Variants in GCH1 observed in about 807,000 individuals in gnomAD.
GCH1 encodes the protein GTP cyclohydrolase 1, also known as GTP cyclohydrolase I.
GCH1 carries 5 observed loss-of-function variants against 25.9 expected under a neutral mutation model. The observed-to-expected ratio is 0.19, with a 90% confidence interval of 0.10 to 0.41. The LOEUF is 0.41. GCH1 is among the 10% of genes least tolerant of loss of function. The pLI is 1.00. For missense variants in GCH1, 261 were observed against 336.5 expected (o/e 0.78, Z 1.75); for synonymous variants, 159 against 129.6 (o/e 1.23, Z -1.54).
Position 54,866,310 on chromosome 14 carries a change from T to C in GCH1, c.344-874A>G, listed in dbSNP as rs187021664. 1.6e-3 allele frequency among the ~76,000 whole-genome samples: 239 copies of C among 152,070 alleles called. 2 individuals carry two copies. The highest frequency in any genetic ancestry group is 5.5e-3 in the African/African-American group (227 of 41,466). ...AAGCCACATTCCCCACCAATCATAATATAGCCAAGCTATTGATAATAGGCA... is the reference window on the plus strand; with the variant it reads ...AAGCCACATTCCCCACCAATCATAACATAGCCAAGCTATTGATAATAGGCA... On this transcript the variant is annotated intron_variant, in intron 1 of 5. Coordinates refer to ENST00000491895, the MANE Select transcript of GCH1 (RefSeq NM_000161.3).
chr14:54,897,347 G>A (rs2040503047), intron 1 of GCH1, among the ~76,000 whole-genome samples: 1 of 149,068 alleles, frequency 6.7e-6, no homozygotes, highest in Non-Finnish European at 1.5e-5. Flanking sequence ...GGAGTGCAAT[G>A]GTGCAATCTT....
intron 1 of GCH1, among the ~76,000 whole-genome samples, chr14:54,872,033 G>A (rs2040086948): frequency 6.6e-6 from 1 of 151,882 alleles, no homozygotes; most frequent in East Asian, 1.9e-4. Context: ...GCAACTCCAA[G>A]ACACATAATT....
intron 1 of GCH1, among the ~76,000 whole-genome samples, chr14:54,901,586 G>C (rs2040566789): frequency 6.6e-6 from 1 of 152,158 alleles, no homozygotes; most frequent in Admixed American, 6.5e-5. Flanking sequence ...TGGAACCCAC[G>C]GAGCCCTCCG....
rs1404198001 is a variant in GCH1 at position 54,902,477 on chromosome 14, C to T, written c.187G>A (p.Asp63Asn). The change falls in exon 1 of 6, where the codon GAT becomes AAT. Residue 63 changes from aspartate (D) to asparagine (N), a missense_variant. Physicochemically the swap from Asp to Asn is conservative, Grantham distance 23. Around this residue, in one of 3 missense-constraint regions of GCH1, gnomAD observed 125 missense variants for 128.7 expected, o/e 0.97. Transcript: ENST00000491895. The part of the protein sequence containing the change: ...WKGERPRSEE[D>N]NELNLPNLAA... ...AGGTTAGGGAGGTTCAGCTCGTTAT[C>T]CTCCTCGCTGCGGGGCCGCTCGCCC... 1 of 1,611,724 alleles carries T rather than the reference C, an allele frequency of 6.2e-7. No individual in the cohort carries two copies. The highest frequency in any genetic ancestry group is 8.5e-7 in the Non-Finnish European group (1 of 1,179,480).
chr14:54,896,728 C>T (rs375002906), intron 1 of GCH1, among the ~76,000 whole-genome samples: 28 of 151,062 alleles, frequency 1.9e-4, no homozygotes, highest in East Asian at 1.6e-3. Context: ...CTGGCTAACA[C>T]GGTGAAACCC....
intron 1 of GCH1, among the ~76,000 whole-genome samples, chr14:54,869,637 C>A (rs891563959): frequency 2.0e-5 from 3 of 152,142 alleles, no homozygotes; most frequent in Non-Finnish European, 4.4e-5. Context: ...CATACCACCA[C>A]GCCCAGCTAA....
In GCH1 at chr14:54,868,787, A is replaced by G. The variant is rs549326046; in HGVS notation, c.344-3351T>C. Among the ~76,000 whole-genome samples, 6 of 151,828 alleles carry G rather than the reference A, an allele frequency of 4.0e-5. No individual in the cohort carries two copies. In the South Asian group the frequency reaches 1.2e-3, roughly 32 times the overall value. On this transcript the variant is annotated intron_variant, in intron 1 of 5. Transcript: ENST00000491895. ...AGCTAATTTTTTGTATTTTTAGTAG[A>G]GATGGGGTTTCACCATGCCAGCCAG...
At position 54,843,776 on chromosome 14, in the gene GCH1, A is replaced by T; in HGVS notation, c.*241T>A. On this transcript the variant is annotated 3_prime_UTR_variant, in exon 6 of 6. Transcript: ENST00000491895. ...TATCTGGCAGTGGTTTTGTGCACGTACTTACACTATTAGCAGTTCACTTTA... is the reference window on the plus strand; with the variant it reads ...TATCTGGCAGTGGTTTTGTGCACGTTCTTACACTATTAGCAGTTCACTTTA... 6.2e-7 allele frequency: 1 copy of T among 1,614,096 alleles called. No individual in the cohort carries two copies. Among genetic ancestry groups the T allele is most frequent in the Non-Finnish European group, 8.5e-7 (1 of 1,179,954 alleles).
chr14:54,856,189 A>G (rs1303918844), intron 3 of GCH1, among the ~76,000 whole-genome samples: 2 of 152,180 alleles, frequency 1.3e-5, no homozygotes, highest in African/African-American at 4.8e-5. Context: ...TCCCCCATTT[A>G]GAATTCTGCT....
chr14:54,871,870 A>T (rs1302341254), intron 1 of GCH1, among the ~76,000 whole-genome samples: 1 of 152,252 alleles, frequency 6.6e-6, no homozygotes, highest in Non-Finnish European at 1.5e-5. Context: ...TCTATATCTG[A>T]TTGGTGTACC....
At chr14:54,866,226 A>G (rs949215560) in intron 1 of GCH1, among the ~76,000 whole-genome samples, 1 of 152,136 alleles carries the variant, frequency 6.6e-6, no homozygotes. Context: ...TGAGCTTCCT[A>G]ACATTCGGTG....
At chr14:54,879,628 T>C (rs1303183155) in intron 1 of GCH1, among the ~76,000 whole-genome samples, 2 of 152,086 alleles carry the variant, frequency 1.3e-5, no homozygotes, top group African/African-American at 2.4e-5. Flanking sequence ...GAAGGATATG[T>C]AGAGTATGAG....
intron 3 of GCH1, among the ~76,000 whole-genome samples, chr14:54,848,938 A>G (rs1368493030): frequency 6.6e-6 from 1 of 152,196 alleles, no homozygotes; most frequent in Non-Finnish European, 1.5e-5. Flanking sequence ...TTAGTTTGTT[A>G]TATATGTAGG....
At chr14:54,899,344 C>A (rs967402325) in intron 1 of GCH1, among the ~76,000 whole-genome samples, 2 of 152,028 alleles carry the variant, frequency 1.3e-5, no homozygotes, top group Non-Finnish European at 2.9e-5. Context: ...GCCTGTAGTT[C>A]CAGCTATTCA....
chr14:54,844,104 G>A lies in GCH1; in HGVS notation c.666C>T (p.Asn222=), dbSNP rs773232145. The change falls in exon 6 of 6, where the codon AAC becomes AAT. Residue 222 remains asparagine (N), a synonymous_variant. Transcript: ENST00000491895. ...ACATTGTGCTGGTCACAGTTTTGCT[G>A]TTCATTTTCTGTACACCTCGCATTA... ...CMVMRGVQKM[N]SKTVTSTMLG... is the part of the protein sequence containing the mutation. 7 of 1,613,938 alleles carry A rather than the reference G, an allele frequency of 4.3e-6. No homozygotes were observed. Among genetic ancestry groups the A allele is most frequent in the Non-Finnish European group, 5.1e-6 (6 of 1,179,856 alleles).
Position 54,902,485 on chromosome 14 carries a change from C to G in GCH1, c.179G>C (p.Ser60Thr), listed in dbSNP as rs756067922. Reference protein sequence around the residue: ...ADGWKGERPRSEEDNELNLPN... With the variant: ...ADGWKGERPRTEEDNELNLPN... Reference sequence around the variant, plus strand: ...GAGGTTCAGCTCGTTATCCTCCTCGCTGCGGGGCCGCTCGCCCTTCCAGCC... The same window carrying G: ...GAGGTTCAGCTCGTTATCCTCCTCGGTGCGGGGCCGCTCGCCCTTCCAGCC... The change falls in exon 1 of 6, where the codon AGC becomes ACC. Residue 60 changes from serine to threonine, a missense_variant. By Grantham distance (58) the Ser-to-Thr change is moderately conservative (BLOSUM62 1). This residue lies in a region of GCH1 where 125 missense variants were observed against 128.7 expected (regional missense o/e 0.97). Coordinates refer to ENST00000491895, the MANE Select transcript of GCH1 (RefSeq NM_000161.3). The G allele has an allele frequency of 1.2e-6, 2 of 1,610,432 alleles. No homozygotes were observed. Among genetic ancestry groups the G allele is most frequent in the Admixed American group, 3.3e-5 (2 of 59,786 alleles).
intron 1 of GCH1, among the ~76,000 whole-genome samples, chr14:54,874,077 T>C (rs1028013571): frequency 6.6e-6 from 1 of 152,076 alleles, no homozygotes; most frequent in East Asian, 1.9e-4. Flanking sequence ...CTGATGAACA[T>C]CCATGCAAAA....
Position 54,843,609 on chromosome 14 carries a change from C to T in GCH1, c.*408G>A. 1.4e-6 allele frequency: 2 copies of T among 1,458,886 alleles called. No individual in the cohort carries two copies. The highest frequency in any genetic ancestry group is 1.8e-6 in the Non-Finnish European group (2 of 1,108,086). 90.4% of individuals were successfully genotyped at this position (1,458,886 alleles called of 1,614,324 possible). A position where few individuals can be genotyped will look rare whatever the true frequency, so the allele number is the denominator to read the frequency against. On this transcript the variant is annotated 3_prime_UTR_variant, in exon 6 of 6. Transcript: ENST00000491895. ...ATATTTTAGCACTTTCGGCACTACACCACTTTTATTGGAGGAAGAAAAAAA... is the reference window on the plus strand; with the variant it reads ...ATATTTTAGCACTTTCGGCACTACATCACTTTTATTGGAGGAAGAAAAAAA...
At chr14:54,861,806 G>GT (rs1200935304) in intron 2 of GCH1, among the ~76,000 whole-genome samples, 1 of 151,984 alleles carries the variant, frequency 6.6e-6, no homozygotes, top group Non-Finnish European at 1.5e-5. Context: ...ATAGCAGAAA[G>GT]TAACAGGATA....
Sources: allele counts gnomAD v4.1 joint callset (sites outside exome capture counted in the v4.1 genomes callset), GRCh38; gene constraint gnomAD v4.1.1; regional missense constraint gnomAD v4.1.1; transcripts MANE v1.5; gene names NCBI Gene and HGNC (gene_info 2026-07-23, HGNC 2026-07-21).